Variants in MALRD1 observed in about 807,000 individuals in gnomAD.
MALRD1 encodes the protein MAM and LDL receptor class A domain containing 1.
MALRD1 carries 247 observed loss-of-function variants against 242.1 expected under a neutral mutation model. The observed-to-expected ratio is 1.02, with a 90% CI of 0.92 to 1.13. The LOEUF is 1.13. Among genes scored for constraint, MALRD1 ranks in the 50% most tolerant of loss-of-function variants. The pLI, the probability that MALRD1 is intolerant of heterozygous loss-of-function variation, is 0.00. For missense variants in MALRD1, 2,989 were observed against 2,533.1 expected, an observed-to-expected ratio of 1.18 and a Z score of -3.86; for synonymous variants, 995 against 866.6, an observed-to-expected ratio of 1.15 and a Z score of -2.60.
At chr10:19,651,087 A>G (rs1378842473) in intron 36 of MALRD1, among the ~76,000 whole-genome samples, 1 of 152,222 alleles carries the variant, frequency 6.6e-6, no homozygotes, top group African/African-American at 2.4e-5. Context: ...ATAATGGCAT[A>G]TTTTACACAA....
chr10:19,612,889 C>T (rs572817940), intron 35 of MALRD1, among the ~76,000 whole-genome samples: 1 of 151,992 alleles, frequency 6.6e-6, no homozygotes, highest in African/African-American at 2.4e-5. Context: ...CTAGGCCCCA[C>T]CTCTAACACT....
At chr10:19,235,895 G>T (rs964480661) in intron 18 of MALRD1, among the ~76,000 whole-genome samples, 1 of 152,034 alleles carries the variant, frequency 6.6e-6, no homozygotes, top group South Asian at 2.1e-4. Flanking sequence ...ATGGGACATC[G>T]AAGTGGAAAT....
chr10:19,291,769 C>T (rs1332041263), intron 21 of MALRD1, among the ~76,000 whole-genome samples: 1 of 151,260 alleles, frequency 6.6e-6, no homozygotes, highest in African/African-American at 2.4e-5. Flanking sequence ...AAAAATTGCT[C>T]TAAGGTCCTT....
At chr10:19,073,001 C>G (rs929982553) in intron 2 of MALRD1, among the ~76,000 whole-genome samples, 3 of 151,792 alleles carry the variant, frequency 2.0e-5, no homozygotes, top group Admixed American at 1.3e-4. Flanking sequence ...TGCAACCTCC[C>G]CCTCCTGGAT....
intron 10 of MALRD1, among the ~76,000 whole-genome samples, chr10:19,140,247 C>A (rs931559682): frequency 6.6e-6 from 1 of 152,110 alleles, no homozygotes; most frequent in Non-Finnish European, 1.5e-5. Context: ...TTTTTCCCAG[C>A]TGCACAATGA....
chr10:19,279,304 C>T (rs1459793140), intron 19 of MALRD1, among the ~76,000 whole-genome samples: 1 of 152,178 alleles, frequency 6.6e-6, no homozygotes, highest in Non-Finnish European at 1.5e-5. Flanking sequence ...TTCTAAACAA[C>T]ACTGGATGAA....
rs117150006 is a variant in MALRD1, at chr10:19,705,529, A to G, written c.6314+12975A>G. 7.8e-4 allele frequency among the ~76,000 whole-genome samples: 119 copies of G among 152,272 alleles called. 1 individual carries two copies. The East Asian group carries it at 0.019, about 25-fold the overall frequency. ...CCAAATCCCAGTCCCTTGTGCATGT[A>G]TTGGCCACGCTCTGACAATCCTGCT... On this transcript the variant is annotated intron_variant, in intron 38 of 39. Coordinates refer to ENST00000454679, the MANE Select transcript of MALRD1 (RefSeq NM_001142308.3).
chr10:19,125,319 TTCC>T (rs1392132329), intron 7 of MALRD1, among the ~76,000 whole-genome samples: 776 of 70,346 alleles, frequency 0.011, 7 homozygotes, highest in African/African-American at 0.013. Context: ...CCTTCCTTCC[TTCC>T]TTCTTTCTTT....
chr10:19,591,639 C>A (rs1018408459), intron 33 of MALRD1, among the ~76,000 whole-genome samples: 1 of 151,872 alleles, frequency 6.6e-6, no homozygotes, highest in African/African-American at 2.4e-5. Flanking sequence ...GCTGGGATTA[C>A]GGGCGTGTGC....
intron 38 of MALRD1, among the ~76,000 whole-genome samples, chr10:19,724,080 T>C (rs1834901982): frequency 6.6e-6 from 1 of 152,052 alleles, no homozygotes; most frequent in Non-Finnish European, 1.5e-5. Context: ...ATAAAAAAAT[T>C]TAAGCTTTTG....
chr10:19,081,626 G>A (rs1021716555), intron 2 of MALRD1, among the ~76,000 whole-genome samples: 4 of 152,000 alleles, frequency 2.6e-5, no homozygotes, highest in Non-Finnish European at 5.9e-5. Context: ...AGGGGAGAGG[G>A]GAGGTAGAGC....
At position 19,104,030 on chromosome 10, in the gene MALRD1, G is replaced by T. The variant is rs1467169364; in HGVS notation, c.649G>T (p.Ala217Ser). 4 of 1,233,700 alleles carry T rather than the reference G, an allele frequency of 3.2e-6. No individual in the cohort carries two copies. Among genetic ancestry groups the T allele is most frequent in the African/African-American group, 1.6e-5 (1 of 64,474 alleles). 76.4% of individuals were successfully genotyped at this position (1,233,700 alleles called of 1,614,324 possible). The part of the protein sequence containing the change: ...ASTYEQDEVI[A>S]IDDISFSSGC... ...AACGTATGAACAGGATGAAGTCATTGCTATTGATGATATATCTTTCAGTTC... is the reference window on the plus strand; with the variant it reads ...AACGTATGAACAGGATGAAGTCATTTCTATTGATGATATATCTTTCAGTTC... Residue 217 changes from alanine to serine, a missense_variant, in exon 5 of 40, where the codon GCT becomes TCT. Ala to Ser is a moderately conservative substitution (Grantham distance 99). Coordinates refer to ENST00000454679, the MANE Select transcript of MALRD1 (RefSeq NM_001142308.3).
chr10:19,157,489 C>T (rs1215384275), intron 12 of MALRD1, among the ~76,000 whole-genome samples: 2 of 152,136 alleles, frequency 1.3e-5, no homozygotes, highest in Non-Finnish European at 1.5e-5. Flanking sequence ...CCTCGTGATT[C>T]ACCCACCTTG....
rs559674826 is a variant in MALRD1, at chr10:19,306,136, A to G, written c.3420-17813A>G. Among the ~76,000 whole-genome samples, 68 of 125,112 alleles carry G rather than the reference A, an allele frequency of 5.4e-4. 1 individual carries two copies. In the East Asian group the frequency reaches 0.014, roughly 26 times the overall value. 82.1% of individuals were successfully genotyped at this position (125,112 alleles called of 152,430 possible). ...ATATACTATCTAGTATATATAGTAT[A>G]GTATATATATACTATATATACACAC... On this transcript the variant is annotated intron_variant, in intron 21 of 39. Transcript: ENST00000454679.
chr10:19,157,118 TTTCCAGTTTAGGAAG>T (rs373815576), intron 12 of MALRD1, among the ~76,000 whole-genome samples: 5,332 of 152,274 alleles, frequency 0.035, 286 homozygotes, highest in African/African-American at 0.12. Context: ...TTTGTAATGC[TTTCCAGTTTAGGAAG>T]TAGGAGTAGA....
At chr10:19,679,214 A>C (rs1012643651) in intron 36 of MALRD1, among the ~76,000 whole-genome samples, 3 of 152,086 alleles carry the variant, frequency 2.0e-5, no homozygotes, top group African/African-American at 7.2e-5. Context: ...AATTGTTTGG[A>C]ATAATTTCAG....
At chr10:19,417,660 A>G (rs1471419144) in intron 28 of MALRD1, among the ~76,000 whole-genome samples, 2 of 152,178 alleles carry the variant, frequency 1.3e-5, no homozygotes, top group African/African-American at 4.8e-5. Context: ...AGCGTATGTA[A>G]TAGTTTTAAA....
intron 26 of MALRD1, among the ~76,000 whole-genome samples, chr10:19,374,056 T>C (rs969000485): frequency 1.3e-5 from 2 of 152,206 alleles, no homozygotes; most frequent in Non-Finnish European, 1.5e-5. Context: ...GGACTTTAAG[T>C]TTGGCATCTT....
At chr10:19,476,882 A>G (rs112274932) in intron 29 of MALRD1, among the ~76,000 whole-genome samples, 27 of 152,236 alleles carry the variant, frequency 1.8e-4, no homozygotes, top group African/African-American at 6.5e-4. Context: ...ATATTTCAAC[A>G]TACGCTTCCA....
Sources: gnomAD v4.1 joint callset for allele counts (sites outside exome capture counted in the v4.1 genomes callset) on GRCh38, gnomAD v4.1.1 for gene constraint, MANE v1.5 for transcripts, NCBI Gene and HGNC (gene_info 2026-07-23, HGNC 2026-07-21) for gene names.